FHIT: variants seen among roughly 807,000 people sequenced by gnomAD.
FHIT encodes the protein bis(5'-adenosyl)-triphosphatase.
In FHIT, 19 loss-of-function variants were observed where a neutral mutation model predicts 17.9. The observed-to-expected ratio is 1.06, with a 90% CI of 0.74 to 1.56. The LOEUF (loss-of-function observed/expected upper bound fraction) is 1.56, where lower values mean the gene tolerates loss of function less well. Ranked by LOEUF, FHIT falls within the 40% of genes most tolerant of loss-of-function variation. FHIT has a pLI of 0.00. For synonymous variants in FHIT, 81 were observed against 69.7 expected, an observed-to-expected ratio of 1.16 and a Z score of -0.81; for missense variants, 248 against 189.2, an observed-to-expected ratio of 1.31 and a Z score of -1.82.
chr3:60,892,111 A>G (rs1210466488), intron 3 of FHIT, among the ~76,000 whole-genome samples: 2 of 152,216 alleles, frequency 1.3e-5, no homozygotes, highest in Non-Finnish European at 2.9e-5. Flanking sequence ...TGAGAAAAAT[A>G]AAGAAACTTT....
intron 4 of FHIT, among the ~76,000 whole-genome samples, chr3:60,638,212 A>C (rs1189711810): frequency 6.6e-6 from 1 of 152,220 alleles, no homozygotes; most frequent in African/African-American, 2.4e-5. Context: ...ACAACCTTTC[A>C]AAGTAACAAC....
At chr3:60,478,137 C>T (rs563459399) in intron 5 of FHIT, among the ~76,000 whole-genome samples, 2 of 152,130 alleles carry the variant, frequency 1.3e-5, no homozygotes, top group Non-Finnish European at 2.9e-5. Context: ...TGGATAAGCG[C>T]CCTATTTCAC....
At position 60,939,645 on chromosome 3, in the gene FHIT, C is replaced by T. The variant is rs201957994; in HGVS notation, c.-111+102402G>A. ...ATCATTAGAATAGTATTAAAGAATACTATTAGAAAAATGTAGCTCCATTAT... is the reference window on the plus strand; with the variant it reads ...ATCATTAGAATAGTATTAAAGAATATTATTAGAAAAATGTAGCTCCATTAT... On this transcript the variant is annotated intron_variant, in intron 3 of 9. Transcript: ENST00000492590. Among the ~76,000 whole-genome samples, 4 of 152,156 alleles carry T rather than the reference C, an allele frequency of 2.6e-5. No individual in the cohort carries two copies. The East Asian group carries it at 7.7e-4, about 29-fold the overall frequency.
chr3:60,568,978 C>CTT lies in FHIT; in HGVS notation c.-17-32001_-17-32000dup, dbSNP rs11370343. Among the ~76,000 whole-genome samples, 1,374 of 146,268 alleles carry CTT rather than the reference C, an allele frequency of 9.4e-3. 33 individuals carry two copies. The highest frequency in any genetic ancestry group is 0.03 in the African/African-American group (1,189 of 39,910). On this transcript the variant is annotated intron_variant, in intron 4 of 9. Coordinates refer to ENST00000492590, the MANE Select transcript of FHIT (RefSeq NM_002012.4). ...ATGACAATTCATTATGCTAGAGATT[C>CTT]TTTTTTTTTTTTTCCTTTCAAAAAT... is the stretch of plus-strand genomic sequence containing the variant.
At chr3:61,193,233 G>T in intron 2 of FHIT, among the ~76,000 whole-genome samples, 1 of 152,230 alleles carries the variant, frequency 6.6e-6, no homozygotes, top group Middle Eastern at 3.2e-3. Flanking sequence ...GTACAGTAAG[G>T]ATTGGGCTTT....
intron 8 of FHIT, among the ~76,000 whole-genome samples, chr3:59,834,706 C>CT (rs975106136): frequency 1.1e-4 from 16 of 152,258 alleles, no homozygotes; most frequent in African/African-American, 3.6e-4. Context: ...GGCTTAATCA[C>CT]TTATCAAAGG....
At chr3:60,699,131 T>C (rs568733474) in intron 4 of FHIT, among the ~76,000 whole-genome samples, 2 of 152,324 alleles carry the variant, frequency 1.3e-5, no homozygotes, top group East Asian at 3.9e-4. Context: ...AATATAACTT[T>C]TAAGTGAATT....
intron 2 of FHIT, among the ~76,000 whole-genome samples, chr3:61,046,373 T>C (rs973648282): frequency 3.3e-5 from 5 of 152,064 alleles, no homozygotes; most frequent in Admixed American, 2.6e-4. Flanking sequence ...TCTATGCAAA[T>C]AAACTAGAAA....
intron 5 of FHIT, among the ~76,000 whole-genome samples, chr3:60,094,356 T>G (rs949124987): frequency 6.6e-6 from 1 of 152,134 alleles, no homozygotes; most frequent in Non-Finnish European, 1.5e-5. Context: ...GTCTGCTTCA[T>G]CTGACTCCTC....
intron 1 of FHIT, among the ~76,000 whole-genome samples, chr3:61,245,970 A>C (rs1054959037): frequency 2.6e-5 from 4 of 152,158 alleles, no homozygotes; most frequent in Non-Finnish European, 5.9e-5. Context: ...AGATATGGGT[A>C]ATAAAGACCT....
intron 4 of FHIT, among the ~76,000 whole-genome samples, chr3:60,790,176 T>C (rs782817555): frequency 6.6e-6 from 1 of 152,210 alleles, no homozygotes; most frequent in Non-Finnish European, 1.5e-5. Flanking sequence ...TAATATTTTG[T>C]ATTCATTGTC....
At chr3:60,917,649 T>C (rs1328925160) in intron 3 of FHIT, among the ~76,000 whole-genome samples, 1 of 152,212 alleles carries the variant, frequency 6.6e-6, no homozygotes, top group Non-Finnish European at 1.5e-5. Flanking sequence ...CAGATGTTTT[T>C]CCTCCTTCAC....
At chr3:60,233,200 G>A (rs1434352964) in intron 5 of FHIT, among the ~76,000 whole-genome samples, 1 of 152,158 alleles carries the variant, frequency 6.6e-6, no homozygotes, top group Admixed American at 6.5e-5. Context: ...AATGACTCCT[G>A]ACTGCACTTA....
At chr3:60,900,341 C>CT (rs1706054942) in intron 3 of FHIT, among the ~76,000 whole-genome samples, 1 of 152,024 alleles carries the variant, frequency 6.6e-6, no homozygotes, top group Non-Finnish European at 1.5e-5. Flanking sequence ...AGGAGGATCA[C>CT]TTGAGCCTAG....
At chr3:60,076,697 G>C (rs867049495) in intron 5 of FHIT, among the ~76,000 whole-genome samples, 13 of 151,958 alleles carry the variant, frequency 8.6e-5, no homozygotes, top group Admixed American at 2.6e-4. Flanking sequence ...GTACAGCTCA[G>C]CTGTTGAGGA....
intron 5 of FHIT, among the ~76,000 whole-genome samples, chr3:60,351,681 A>G (rs1699402202): frequency 6.6e-6 from 1 of 152,232 alleles, no homozygotes; most frequent in Non-Finnish European, 1.5e-5. Context: ...ACATTCCTAT[A>G]GAATCCTCCT....
chr3:60,867,024 A>G (rs1704194723), intron 3 of FHIT, among the ~76,000 whole-genome samples: 2 of 152,164 alleles, frequency 1.3e-5, no homozygotes, highest in African/African-American at 4.8e-5. Flanking sequence ...ATTCGATCAC[A>G]AAGTATGCAT....
chr3:60,277,574 G>C (rs556832721), intron 5 of FHIT, among the ~76,000 whole-genome samples: 35 of 152,220 alleles, frequency 2.3e-4, no homozygotes, highest in African/African-American at 7.9e-4. Context: ...TTAAGATCAG[G>C]GTAGGGCATC....
At chr3:59,758,586 TG>T (rs1701338741) in intron 8 of FHIT, among the ~76,000 whole-genome samples, 1 of 152,136 alleles carries the variant, frequency 6.6e-6, no homozygotes, top group South Asian at 2.1e-4. Context: ...AGTACGTCCT[TG>T]ATAAGGCATC....
Sources: allele counts gnomAD v4.1 joint callset (sites outside exome capture counted in the v4.1 genomes callset), GRCh38; gene constraint gnomAD v4.1.1; transcripts MANE v1.5; gene names NCBI Gene and HGNC (gene_info 2026-07-23, HGNC 2026-07-21).